The following ENTREP2 variants were observed in gnomAD, a reference collection of about 807,000 sequenced individuals.
ENTREP2 encodes the protein endosomal transmembrane epsin interactor 2, also known as protein ENTREP2.
the ENTREP2 span, among the ~76,000 whole-genome samples, chr15:29,335,247 G>A: frequency 6.6e-6 from 1 of 152,154 alleles, no homozygotes; most frequent in Admixed American, 6.5e-5. Flanking sequence ...TTCCAGACTC[G>A]AACAGTTAGA....
the ENTREP2 span, among the ~76,000 whole-genome samples, chr15:29,478,820 T>G: frequency 1.4e-5 from 2 of 142,588 alleles, no homozygotes; most frequent in East Asian, 2.1e-4. Context: ...CAGGAGAATC[T>G]CTTGAACCGG....
chr15:29,118,128 C>G, the ENTREP2 span: 1 of 152,646 alleles, frequency 6.6e-6, no homozygotes, highest in East Asian at 1.9e-4. Flanking sequence ...TGTAATCTGA[C>G]GTCATCTTGT....
the ENTREP2 span, among the ~76,000 whole-genome samples, chr15:29,453,693 A>G: frequency 2.0e-5 from 3 of 152,248 alleles, no homozygotes; most frequent in Admixed American, 6.5e-5. Flanking sequence ...TGCTGCTAAT[A>G]TTTTGATGTG....
chr15:29,444,171 A>AG, the ENTREP2 span, among the ~76,000 whole-genome samples: 1 of 8,858 alleles, frequency 1.1e-4, no homozygotes, highest in East Asian at 3.5e-3. Context: ...AAAGACAGAC[A>AG]AAGAAAGAAA....
At chr15:29,455,495 C>G in the ENTREP2 span, among the ~76,000 whole-genome samples, 6 of 152,214 alleles carry the variant, frequency 3.9e-5, no homozygotes, top group Admixed American at 2.6e-4. Context: ...TATTTCTTAA[C>G]AGTATATTTA....
the ENTREP2 span, among the ~76,000 whole-genome samples, chr15:29,291,350 G>A: frequency 0.039 from 5,987 of 152,270 alleles, 168 homozygotes; most frequent in Non-Finnish European, 0.064. Context: ...GTACTCTGAT[G>A]TCTCTCTGGT....
the ENTREP2 span, among the ~76,000 whole-genome samples, chr15:29,170,240 G>A: frequency 1.3e-5 from 2 of 149,712 alleles, no homozygotes; most frequent in East Asian, 2.0e-4. Flanking sequence ...CCCGGGAGGT[G>A]GAGCTTGCAG....
chr15:29,284,975 C>A, the ENTREP2 span, among the ~76,000 whole-genome samples: 1 of 152,162 alleles, frequency 6.6e-6, no homozygotes, highest in South Asian at 2.1e-4. Flanking sequence ...TAGCCCCAAT[C>A]TCAGCATACT....
At chr15:29,594,531 C>T in the ENTREP2 span, among the ~76,000 whole-genome samples, 2 of 152,106 alleles carry the variant, frequency 1.3e-5, no homozygotes, top group Non-Finnish European at 2.9e-5. Context: ...TCGATGTTTT[C>T]GTTGCTCATG....
the ENTREP2 span, among the ~76,000 whole-genome samples, chr15:29,570,962 C>CGCGCCGCGCT: frequency 1.4e-5 from 2 of 145,132 alleles, no homozygotes; most frequent in African/African-American, 4.9e-5. Flanking sequence ...GCCCGCCGGC[C>CGCGCCGCGCT]GCGCCGCGCT....
At chr15:29,639,124 T>C in the ENTREP2 span, among the ~76,000 whole-genome samples, 18 of 152,356 alleles carry the variant, frequency 1.2e-4, no homozygotes, top group African/African-American at 4.3e-4. Flanking sequence ...AAGAAATCTT[T>C]GTCGTGGAGG....
chr15:29,539,703 G>A, the ENTREP2 span, among the ~76,000 whole-genome samples: 1 of 152,236 alleles, frequency 6.6e-6, no homozygotes, highest in South Asian at 2.1e-4. Context: ...AGAGCAAGGT[G>A]GAAAATGGCA....
the ENTREP2 span, among the ~76,000 whole-genome samples, chr15:29,583,630 C>T: frequency 6.6e-6 from 1 of 152,124 alleles, no homozygotes; most frequent in African/African-American, 2.4e-5. Flanking sequence ...TACACATGTA[C>T]CCTGGAACTT....
At chr15:29,321,640 ACT>A in the ENTREP2 span, among the ~76,000 whole-genome samples, 3 of 148,294 alleles carry the variant, frequency 2.0e-5, no homozygotes, top group Non-Finnish European at 3.0e-5. Flanking sequence ...CAAGAGTGAG[ACT>A]CTGTCTCAAA....
chr15:29,141,547 G>A, the ENTREP2 span, among the ~76,000 whole-genome samples: 1 of 152,270 alleles, frequency 6.6e-6, no homozygotes, highest in African/African-American at 2.4e-5. Context: ...TGTTCCTCCA[G>A]GTCCCAGCCG....
At chr15:29,136,500 C>G in the ENTREP2 span, 1 of 1,547,110 alleles carries the variant, frequency 6.5e-7, no homozygotes, top group African/African-American at 1.4e-5. Context: ...AGGTGGAGGC[C>G]CCTGAAAAGA....
chr15:29,622,487 C>T, the ENTREP2 span, among the ~76,000 whole-genome samples: 6 of 152,098 alleles, frequency 3.9e-5, no homozygotes, highest in Non-Finnish European at 4.4e-5. Flanking sequence ...AGATTACAGG[C>T]GTGAGCCACC....
the ENTREP2 span, among the ~76,000 whole-genome samples, chr15:29,148,014 T>C: frequency 2.0e-5 from 3 of 152,292 alleles, no homozygotes; most frequent in African/African-American, 7.2e-5. Context: ...CTTGAAAACA[T>C]CATGCTAAAT....
chr15:29,268,725 C>T, the ENTREP2 span: 6 of 1,504,128 alleles, frequency 4.0e-6, no homozygotes, highest in Non-Finnish European at 5.4e-6. Context: ...CTCCCTTCCC[C>T]CAATCCTCTA....
Sources: gnomAD v4.1 joint callset for allele counts (sites outside exome capture counted in the v4.1 genomes callset) on GRCh38, gnomAD v4.1.1 for gene constraint, MANE v1.5 for transcripts, NCBI Gene and HGNC (gene_info 2026-07-23, HGNC 2026-07-21) for gene names.